Variants in DLGAP2 observed in about 807,000 individuals in gnomAD.
DLGAP2 encodes the protein disks large-associated protein 2.
In DLGAP2, 26 loss-of-function variants were observed where a neutral mutation model predicts 100.3. That is an observed-to-expected ratio of 0.26 (90% CI 0.19 to 0.36). The LOEUF is 0.36. Among genes scored for constraint, DLGAP2 ranks in the 10% least tolerant of loss-of-function variants. DLGAP2 has a pLI of 1.00. For synonymous variants in DLGAP2, 886 were observed against 630.1 expected, an observed-to-expected ratio of 1.41 and a Z score of -6.08; for missense variants, 1,858 against 1,453.2, an observed-to-expected ratio of 1.28 and a Z score of -4.53.
intron 1 of DLGAP2, chr8:739,695 A>C (rs932677921): frequency 6.6e-6 from 1 of 152,272 alleles, no homozygotes; most frequent in African/African-American, 2.4e-5. Flanking sequence ...TTGTGCCGGC[A>C]GCTGGGTGAC....
intron 3 of DLGAP2, among the ~76,000 whole-genome samples, chr8:1,495,324 G>A: frequency 6.6e-6 from 1 of 152,180 alleles, no homozygotes. Flanking sequence ...GGGAAGCATT[G>A]TCTCCACTTC....
intron 2 of DLGAP2, among the ~76,000 whole-genome samples, chr8:942,217 G>C (rs1799213900): frequency 1.3e-5 from 2 of 152,182 alleles, no homozygotes; most frequent in Admixed American, 1.3e-4. Flanking sequence ...CCAAAGTGCT[G>C]GGATTACAGG....
chr8:1,448,181 G>T (rs922296291), intron 3 of DLGAP2, among the ~76,000 whole-genome samples: 2 of 152,024 alleles, frequency 1.3e-5, no homozygotes, highest in Non-Finnish European at 2.9e-5. Context: ...GTGACATTAG[G>T]GTGTTGATTT....
intron 6 of DLGAP2, among the ~76,000 whole-genome samples, chr8:1,610,029 C>G (rs889209440): frequency 6.6e-6 from 1 of 151,734 alleles, no homozygotes; most frequent in African/African-American, 2.4e-5. Flanking sequence ...AGCTCTGTAC[C>G]AAGCGGACCT....
intron 2 of DLGAP2, among the ~76,000 whole-genome samples, chr8:1,225,310 G>A (rs1327815813): frequency 2.0e-5 from 3 of 152,218 alleles, no homozygotes; most frequent in Non-Finnish European, 4.4e-5. Flanking sequence ...CTTATGCTCA[G>A]TGAAAGAAGC....
At chr8:1,439,658 C>G (rs575962339) in intron 3 of DLGAP2, among the ~76,000 whole-genome samples, 81 of 152,252 alleles carry the variant, frequency 5.3e-4, no homozygotes, top group African/African-American at 1.9e-3. Context: ...GAGACAGGGT[C>G]TCGAAACTGA....
intron 2 of DLGAP2, among the ~76,000 whole-genome samples, chr8:1,048,282 C>G (rs909314809): frequency 2.0e-5 from 3 of 152,106 alleles, no homozygotes; most frequent in African/African-American, 4.8e-5. Flanking sequence ...CTCCATTTTA[C>G]AAAGGACACC....
intron 12 of DLGAP2, among the ~76,000 whole-genome samples, chr8:1,686,673 CAA>C (rs34790163): frequency 3.6e-5 from 5 of 140,100 alleles, no homozygotes; most frequent in Admixed American, 7.0e-5. Context: ...AGACCCCATC[CAA>C]AAAAAAAAAG....
chr8:1,675,778 A>G (rs973451920), intron 10 of DLGAP2, among the ~76,000 whole-genome samples: 5 of 151,968 alleles, frequency 3.3e-5, no homozygotes, highest in African/African-American at 9.7e-5. Flanking sequence ...AATCATATCA[A>G]TGGCTTAACT....
At chr8:1,435,528 C>A (rs143154773) in intron 3 of DLGAP2, among the ~76,000 whole-genome samples, 131 of 152,186 alleles carry the variant, frequency 8.6e-4, no homozygotes, top group African/African-American at 2.9e-3. Flanking sequence ...GGAAGTGTAG[C>A]CGTAGAGGGA....
chr8:1,247,361 G>T lies in DLGAP2; in HGVS notation c.74-11490G>T, dbSNP rs1339349143. Among the ~76,000 whole-genome samples the T allele has an allele frequency of 4.2e-5, 6 of 142,082 alleles. 1 individual carries two copies. The highest frequency in any genetic ancestry group is 1.6e-4 in the African/African-American group (6 of 36,668). 93.2% of individuals were successfully genotyped at this position (142,082 alleles called of 152,430 possible). A position where few individuals can be genotyped will look rare whatever the true frequency, so the allele number is the denominator to read the frequency against. On this transcript the variant is annotated intron_variant, in intron 2 of 14. Transcript: ENST00000637795. ...GTGGCCAGCAAGACCTTTGACATCA[G>T]TGTGGGAGTGATGGTCCATGTTGGT... is the stretch of plus-strand genomic sequence containing the variant.
intron 6 of DLGAP2, among the ~76,000 whole-genome samples, chr8:1,617,264 G>C (rs1797186121): frequency 6.6e-6 from 1 of 152,210 alleles, no homozygotes; most frequent in Non-Finnish European, 1.5e-5. Flanking sequence ...TGCTGGGTCA[G>C]ATGGTAGTTC....
chr8:1,213,671 A>T (rs1798154064), intron 2 of DLGAP2, among the ~76,000 whole-genome samples: 1 of 152,090 alleles, frequency 6.6e-6, no homozygotes, highest in South Asian at 2.1e-4. Context: ...ATCCAGGTTA[A>T]ATGGTGCAGG....
intron 8 of DLGAP2, among the ~76,000 whole-genome samples, chr8:1,664,253 C>G (rs549214290): frequency 6.6e-6 from 1 of 152,230 alleles, no homozygotes; most frequent in East Asian, 1.9e-4. Context: ...CAACACAGGC[C>G]ACGTCTACTA....
At chr8:1,051,242 C>T (rs1215420260) in intron 2 of DLGAP2, among the ~76,000 whole-genome samples, 2 of 152,042 alleles carry the variant, frequency 1.3e-5, no homozygotes, top group Admixed American at 6.6e-5. Context: ...TTCTTTTCTC[C>T]AGAGGCCTCA....
At chr8:863,377 G>T (rs983563556) in intron 1 of DLGAP2, among the ~76,000 whole-genome samples, 6 of 152,296 alleles carry the variant, frequency 3.9e-5, no homozygotes, top group African/African-American at 1.4e-4. Flanking sequence ...AAATATTTAA[G>T]GTTAGCTGTC....
At chr8:1,126,831 C>T (rs1796176060) in intron 2 of DLGAP2, among the ~76,000 whole-genome samples, 1 of 151,948 alleles carries the variant, frequency 6.6e-6, no homozygotes, top group Non-Finnish European at 1.5e-5. Context: ...AAGGCACCAC[C>T]CCATTGTGGT....
At chr8:1,166,609 C>T (rs7844296) in intron 2 of DLGAP2, among the ~76,000 whole-genome samples, 1 of 151,954 alleles carries the variant, frequency 6.6e-6, no homozygotes, top group Non-Finnish European at 1.5e-5. Flanking sequence ...ATTATTTTAT[C>T]CTTTCTAAGA....
intron 2 of DLGAP2, among the ~76,000 whole-genome samples, chr8:1,163,882 T>C (rs542226226): frequency 1.0e-3 from 153 of 152,336 alleles, no homozygotes; most frequent in African/African-American, 3.4e-3. Flanking sequence ...GTCCTTGCTG[T>C]TGGGCTCCCT....
Sources: gnomAD v4.1 joint callset for allele counts (sites outside exome capture counted in the v4.1 genomes callset) on GRCh38, gnomAD v4.1.1 for gene constraint, MANE v1.5 for transcripts, NCBI Gene and HGNC (gene_info 2026-07-23, HGNC 2026-07-21) for gene names.